NLRP1: variants seen among roughly 807,000 people sequenced by gnomAD.
NLRP1 encodes the protein NACHT, LRR and PYD domains-containing protein 1.
A neutral mutation model predicts 136.7 loss-of-function variants in NLRP1; 94 were observed. That is an observed-to-expected ratio of 0.69 (90% CI 0.58 to 0.82). The LOEUF is 0.82. NLRP1 is among the 40% of genes least tolerant of loss of function. The pLI, the probability that NLRP1 is intolerant of heterozygous loss-of-function variation, is 0.00. For missense variants in NLRP1, 1,575 were observed against 1,802.7 expected, an observed-to-expected ratio of 0.87 and a Z score of 2.29; for synonymous variants, 690 against 725.1, an observed-to-expected ratio of 0.95 and a Z score of 0.78.
chr17:5,531,770 T>G (rs185427132), intron 11 of NLRP1, among the ~76,000 whole-genome samples: 118 of 152,322 alleles, frequency 7.7e-4, no homozygotes, highest in Middle Eastern at 3.4e-3. Context: ...AGTGCGACTG[T>G]AAGCCCTGGG....
chr17:5,575,282 T>A lies in NLRP1; in HGVS notation c.652+6577A>T, dbSNP rs139553162. 2.0e-3 allele frequency among the ~76,000 whole-genome samples: 310 copies of A among 152,204 alleles called. 1 individual carries two copies. Among genetic ancestry groups the A allele is most frequent in the African/African-American group, 7.2e-3 (301 of 41,526 alleles). On this transcript the variant is annotated intron_variant, in intron 3 of 16. Transcript: ENST00000572272. ...AAATTCACACATAACAATATTAACC[T>A]TAAATGTAAATGGGCTAAATGCTCC...
chr17:5,581,221 T>C (rs574976030), intron 3 of NLRP1, among the ~76,000 whole-genome samples: 5 of 152,342 alleles, frequency 3.3e-5, no homozygotes, highest in Admixed American at 3.3e-4. Flanking sequence ...CCTGTGGCTT[T>C]AGTATGACTG....
Position 5,520,930 on chromosome 17 carries a change from CG to C in NLRP1, c.3865del (p.Arg1289ValfsTer48). ...PPLTPLYMGC[R>X]YTVSGSGSGM... ...TGAACCAGACCCAGACACAGTGTAA[CG>C]ACAGCCCATATAAAGTGGGGTCAGC... On this transcript the variant is annotated frameshift_variant, in exon 14 of 17. Coordinates refer to ENST00000572272, the MANE Select transcript of NLRP1 (RefSeq NM_033004.4). LOFTEE classifies it high-confidence loss of function. 5 of 1,611,966 alleles carry C rather than the reference CG, an allele frequency of 3.1e-6. No homozygotes were observed. Among genetic ancestry groups the C allele is most frequent in the Non-Finnish European group, 4.2e-6 (5 of 1,178,948 alleles).
chr17:5,526,462 TG>T (rs1180201862), intron 12 of NLRP1, among the ~76,000 whole-genome samples: 1 of 152,062 alleles, frequency 6.6e-6, no homozygotes, highest in African/African-American at 2.4e-5. Flanking sequence ...GGAGTGGGAA[TG>T]GGGCGAGACC....
intron 15 of NLRP1, chr17:5,505,312 C>T (rs1217458706): frequency 6.6e-6 from 1 of 152,396 alleles, no homozygotes; most frequent in African/African-American, 2.4e-5. Context: ...CTGATCATCC[C>T]CGTGCTCCAC....
Position 5,514,611 on chromosome 17 carries a change from C to T in NLRP1, c.*143G>A, listed in dbSNP as rs1907852107. 8.9e-6 allele frequency: 13 copies of T among 1,467,004 alleles called. No individual in the cohort carries two copies. The South Asian group carries it at 1.7e-4, about 19-fold the overall frequency. 90.9% of individuals were successfully genotyped at this position (1,467,004 alleles called of 1,614,324 possible). Reference sequence around the variant, plus strand: ...CATCCCTGGCATGGACACATAATGCCCAGCAAAGGCATCATCAAAGTTCCA... The same window carrying T: ...CATCCCTGGCATGGACACATAATGCTCAGCAAAGGCATCATCAAAGTTCCA... On this transcript the variant is annotated 3_prime_UTR_variant, in exon 17 of 17. Coordinates refer to ENST00000572272, the MANE Select transcript of NLRP1 (RefSeq NM_033004.4).
chr17:5,539,492 C>T lies in NLRP1; in HGVS notation c.2793G>A (p.Gln931=). 2 of 1,614,204 alleles carry T rather than the reference C, an allele frequency of 1.2e-6. No individual in the cohort carries two copies. The highest frequency in any genetic ancestry group is 1.7e-6 in the Non-Finnish European group (2 of 1,180,038). The change falls in exon 7 of 17, where the codon CAG becomes CAA. Residue 931 remains glutamine (Q), a synonymous_variant. Coordinates refer to ENST00000572272, the MANE Select transcript of NLRP1 (RefSeq NM_033004.4). ...GCACGCCAACGTCATCCAGGTTGTTCTGCTGCAGGTCTAGCTCCTTCAGGC... is the reference window on the plus strand; with the variant it reads ...GCACGCCAACGTCATCCAGGTTGTTTTGCTGCAGGTCTAGCTCCTTCAGGC... ...SPSLKELDLQ[Q]NNLDDVGVRL...
rs1396804639 is a variant in NLRP1, at chr17:5,531,154, CTAT to C, written c.3297-453_3297-451del. 2.1e-4 allele frequency among the ~76,000 whole-genome samples: 31 copies of C among 149,378 alleles called. No individual in the cohort carries two copies. The Admixed American group carries it at 2.1e-3, about 10-fold the overall frequency. On this transcript the variant is annotated intron_variant, in intron 11 of 16. Coordinates refer to ENST00000572272, the MANE Select transcript of NLRP1 (RefSeq NM_033004.4). ...TGTCTTGTCTTGTCTGTCTATCTAT[CTAT>C]CTATCTAATCTATCTAATCTATCTA...
chr17:5,504,165 C>G lies in NLRP1; in HGVS notation c.4070-2293G>C, dbSNP rs988345790. 1.9e-5 allele frequency: 3 copies of G among 158,038 alleles called. No homozygotes were observed. The highest frequency in any genetic ancestry group is 7.2e-5 in the African/African-American group (3 of 41,472). The allele number at this position is 158,038 out of a possible 1,614,324, so 9.8% of individuals were successfully genotyped here. A position where few individuals can be genotyped will look rare whatever the true frequency, so the allele number is the denominator to read the frequency against. On this transcript the variant is annotated intron_variant, in intron 15 of 15. Transcript: ENST00000262467. This position sits in a 1 kb window ranked among gnomAD's most constrained non-coding sequence, Gnocchi z 4.4. ...CAGCAGCAGCAGCAGCAGCCAATCA[C>G]TGGCCACCGACTGTGTGCTGGGAAC... is the stretch of plus-strand genomic sequence containing the variant.
chr17:5,541,890 A>G lies in NLRP1; in HGVS notation c.2666T>C (p.Leu889Pro), dbSNP rs373301396. ...CTGTAGCTTGCAGCTCGGCTGTCTC[A>G]GTCTCTGGCAAAGGTGTTTGGCTCC... is the stretch of plus-strand genomic sequence containing the variant. ...DAGAKHLCQRLRQPSCKLQRL... is the reference protein window; with the variant it reads ...DAGAKHLCQRPRQPSCKLQRL... Residue 889 changes from leucine to proline, a missense_variant, in exon 6 of 17, where the codon CTG becomes CCG. Coordinates refer to ENST00000572272, the MANE Select transcript of NLRP1 (RefSeq NM_033004.4). The surrounding 1 kb of genome is among the most constrained non-coding windows in gnomAD (Gnocchi z 4.2). 6.8e-6 allele frequency: 11 copies of G among 1,613,602 alleles called. No individual in the cohort carries two copies. Among genetic ancestry groups the G allele is most frequent in the Admixed American group, 1.7e-5 (1 of 59,946 alleles).
downstream of NLRP1, among the ~76,000 whole-genome samples, chr17:5,511,440 A>T (rs190410135): frequency 0.015 from 687 of 45,254 alleles, 9 homozygotes; most frequent in African/African-American, 0.064. Context: ...GCCTCCGTCT[A>T]AAAAAAAAAA....
In NLRP1 at chr17:5,534,080, G is replaced by T. The variant is rs1461339306; in HGVS notation, c.2961-92C>A. The T allele has an allele frequency of 5.5e-6, 5 of 904,306 alleles. No individual in the cohort carries two copies. In the East Asian group the frequency reaches 1.2e-4, roughly 22 times the overall value. The allele number at this position is 904,306 out of a possible 1,614,324, so 56.0% of individuals were successfully genotyped here. ...CCACTAAAAATTCAACTCCTCCTCG[G>T]GTCGGGTGCAGTGGCTCATGTCTGT... On this transcript the variant is annotated intron_variant, in intron 8 of 16. Transcript: ENST00000572272.
chr17:5,532,719 T>C (rs1910463505), intron 11 of NLRP1, 103 bp downstream of exon 11: 2 of 979,906 alleles, frequency 2.0e-6, no homozygotes, highest in African/African-American at 3.4e-5. Flanking sequence ...CAGTGGTGAG[T>C]GTGAGTTGGG....
At position 5,584,489 on chromosome 17, in the gene NLRP1, C is replaced by G. The variant is rs199534170; in HGVS notation, c.-532G>C. 6.4e-6 allele frequency: 1 copy of G among 156,580 alleles called. No individual in the cohort carries two copies. The highest frequency in any genetic ancestry group is 1.4e-5 in the Non-Finnish European group (1 of 70,890). The allele number at this position is 156,580 out of a possible 1,614,324, so 9.7% of individuals were successfully genotyped here. A position where few individuals can be genotyped will look rare whatever the true frequency, so the allele number is the denominator to read the frequency against. ...CTCCAGGCCCTGGGGCACCAGCCAG[C>G]AAGAACAGCGCCTAGTCAACAAGAG... On this transcript the variant is annotated 5_prime_UTR_variant, in exon 1 of 17. Coordinates refer to ENST00000572272, the MANE Select transcript of NLRP1 (RefSeq NM_033004.4).
intron 4 of NLRP1, among the ~76,000 whole-genome samples, chr17:5,555,046 C>CACACACAT: frequency 6.6e-6 from 1 of 151,724 alleles, no homozygotes; most frequent in African/African-American, 2.4e-5. Context: ...CACACACACA[C>CACACACAT]ACACACACAC....
At position 5,558,455 on chromosome 17, in the gene NLRP1, T is replaced by C; in HGVS notation, c.2241A>G (p.Thr747=). 6.2e-7 allele frequency: 1 copy of C among 1,613,776 alleles called. No individual in the cohort carries two copies. The highest frequency in any genetic ancestry group is 8.5e-7 in the Non-Finnish European group (1 of 1,179,926). ...HFEEMGMCVE[T]DMELLVCTFC... ...AAGTGCACACTAAGAGCTCCATGTC[T>C]GTTTCTACACACATGCCCATTTCTT... Residue 747 remains threonine, a synonymous_variant, in exon 4 of 17, where the codon ACA becomes ACG. Transcript: ENST00000572272.
intron 3 of NLRP1, among the ~76,000 whole-genome samples, chr17:5,576,334 G>A (rs922607057): frequency 7.2e-5 from 11 of 152,198 alleles, no homozygotes; most frequent in Admixed American, 1.3e-4. Context: ...AATGAATCCA[G>A]GAGCTGGTTT....
chr17:5,543,303 C>G (rs982703312), intron 5 of NLRP1, among the ~76,000 whole-genome samples: 1 of 152,160 alleles, frequency 6.6e-6, no homozygotes, highest in African/African-American at 2.4e-5. Flanking sequence ...AACGGTGAAA[C>G]TTAAATGAGT....
chr17:5,561,588 C>T (rs1188975230), intron 3 of NLRP1, among the ~76,000 whole-genome samples: 3 of 101,608 alleles, frequency 3.0e-5, no homozygotes, highest in African/African-American at 1.1e-4. Flanking sequence ...GGACTACAGG[C>T]GCCCGCCACC....
Sources: allele counts gnomAD v4.1 joint callset (sites outside exome capture counted in the v4.1 genomes callset), GRCh38; gene constraint gnomAD v4.1.1; non-coding constraint Gnocchi (gnomAD v3.1); transcripts MANE v1.5; gene names NCBI Gene and HGNC (gene_info 2026-07-23, HGNC 2026-07-21).